Variants in BRINP2 observed in about 807,000 individuals in gnomAD.
The protein encoded by BRINP2 is BMP/retinoic acid-inducible neural-specific protein 2.
Under a neutral mutation model 69.2 loss-of-function variants are expected in BRINP2, and 21 were observed. The observed-to-expected ratio is 0.30, with a 90% CI of 0.22 to 0.44. The LOEUF (loss-of-function observed/expected upper bound fraction) is 0.44, where lower values mean the gene tolerates loss of function less well. BRINP2 is among the 20% of genes least tolerant of loss of function. BRINP2 has a pLI of 1.00. For synonymous variants in BRINP2, 380 were observed against 394.1 expected, an observed-to-expected ratio of 0.96 and a Z score of 0.42; for missense variants, 877 against 986.0, an observed-to-expected ratio of 0.89 and a Z score of 1.48.
intron 4 of BRINP2, among the ~76,000 whole-genome samples, chr1:177,268,700 A>G (rs1028685624): frequency 1.3e-5 from 2 of 151,990 alleles, no homozygotes; most frequent in African/African-American, 4.8e-5. Context: ...TGACACATAC[A>G]CTCACCAAGA....
chr1:177,204,251 G>A (rs142343772), intron 1 of BRINP2, among the ~76,000 whole-genome samples: 29 of 152,264 alleles, frequency 1.9e-4, no homozygotes, highest in African/African-American at 6.5e-4. Flanking sequence ...AGTTGAAGTA[G>A]TCAGTTAGGT....
chr1:177,197,758 G>T (rs930450856), intron 1 of BRINP2, among the ~76,000 whole-genome samples: 3 of 152,032 alleles, frequency 2.0e-5, no homozygotes, highest in Non-Finnish European at 4.4e-5. Context: ...AGAAAGGAGA[G>T]ACCATGGAAT....
chr1:177,224,636 G>A (rs1325403162), intron 1 of BRINP2, among the ~76,000 whole-genome samples: 1 of 151,756 alleles, frequency 6.6e-6, no homozygotes, highest in Non-Finnish European at 1.5e-5. Context: ...ATGCTGTGAG[G>A]TATAAATACT....
intron 4 of BRINP2, among the ~76,000 whole-genome samples, chr1:177,265,906 G>A (rs1275854081): frequency 6.6e-6 from 1 of 151,914 alleles, no homozygotes; most frequent in Non-Finnish European, 1.5e-5. Flanking sequence ...GGATCACAAG[G>A]TCAGGAGATG....
intron 1 of BRINP2, among the ~76,000 whole-genome samples, chr1:177,190,959 A>G (rs946110001): frequency 6.6e-6 from 1 of 152,228 alleles, no homozygotes; most frequent in Non-Finnish European, 1.5e-5. Context: ...TTATTATTAC[A>G]TCATCCTTAA....
At position 177,256,062 on chromosome 1, in the gene BRINP2, T is replaced by C; in HGVS notation, c.413T>C (p.Leu138Pro). ...AATCTGCAACAGGTTACAGAAAATC[T>C]GATTAAAAAGTACGGCACTCATTTC... ...RPNLQQVTEN[L>P]IKKYGTHFLL... The change falls in exon 3 of 8, where the codon CTG becomes CCG. Residue 138 changes from leucine (L) to proline (P), a missense_variant. Leu to Pro is a moderately conservative substitution (Grantham distance 98). Around this residue, in one of 3 missense-constraint regions of BRINP2, gnomAD observed 566 missense variants for 625.2 expected, o/e 0.91. Transcript: ENST00000361539. The C allele has an allele frequency of 6.2e-7, 1 of 1,614,228 alleles. No homozygotes were observed. The highest frequency in any genetic ancestry group is 8.5e-7 in the Non-Finnish European group (1 of 1,180,040).
At chr1:177,197,120 T>TA (rs1235866105) in intron 1 of BRINP2, among the ~76,000 whole-genome samples, 2 of 151,804 alleles carry the variant, frequency 1.3e-5, no homozygotes, top group East Asian at 1.9e-4. Flanking sequence ...AAAAGAAGTT[T>TA]AAAAAAAATT....
chr1:177,276,138 A>T, intron 5 of BRINP2, 60 bp from the exon 6 acceptor site: 2 of 1,490,120 alleles, frequency 1.3e-6, no homozygotes, highest in Middle Eastern at 1.7e-4. Context: ...AGGCTTGGGC[A>T]TGGGAAACTG....
intron 1 of BRINP2, among the ~76,000 whole-genome samples, chr1:177,202,172 T>C (rs952019419): frequency 5.9e-5 from 9 of 152,332 alleles, no homozygotes; most frequent in Admixed American, 5.9e-4. Context: ...TCATTGATTT[T>C]TTGAAGGGTT....
intron 1 of BRINP2, among the ~76,000 whole-genome samples, chr1:177,223,562 G>T (rs955751540): frequency 6.6e-6 from 1 of 152,190 alleles, no homozygotes; most frequent in African/African-American, 2.4e-5. Flanking sequence ...AGGTCTCAGA[G>T]TCAGAATATG....
At chr1:177,187,599 G>A (rs570442777) in intron 1 of BRINP2, among the ~76,000 whole-genome samples, 26 of 152,294 alleles carry the variant, frequency 1.7e-4, no homozygotes, top group African/African-American at 6.3e-4. Context: ...CTTGCAAGGA[G>A]GAAGAGAAGG....
rs144260338 is a variant in BRINP2 at position 177,185,246 on chromosome 1, G to T, written c.-77+13514G>T. ...GGTTCACAATGCACTTATCACATTA[G>T]ACCGGTCTGGAAAGGTCTACAATAA... On this transcript the variant is annotated intron_variant, in intron 1 of 7. Transcript: ENST00000361539. 3.3e-5 allele frequency among the ~76,000 whole-genome samples: 5 copies of T among 152,198 alleles called. 1 individual carries two copies. In the East Asian group the frequency reaches 9.7e-4, roughly 29 times the overall value.
At chr1:177,202,136 T>A (rs1648932539) in intron 1 of BRINP2, among the ~76,000 whole-genome samples, 1 of 152,198 alleles carries the variant, frequency 6.6e-6, no homozygotes, top group African/African-American at 2.4e-5. Context: ...ATTTTGTTGA[T>A]CTTTTCAAAA....
intron 4 of BRINP2, among the ~76,000 whole-genome samples, chr1:177,263,276 T>C (rs1461914473): frequency 2.6e-5 from 4 of 152,234 alleles, no homozygotes; most frequent in South Asian, 2.1e-4. Context: ...TGGAACCTAA[T>C]TTTATTAGTA....
rs1244016975 is a variant in BRINP2 at position 177,280,623 on chromosome 1, G to C, written c.1447G>C (p.Gly483Arg). The C allele has an allele frequency of 3.1e-6, 5 of 1,614,164 alleles. No individual in the cohort carries two copies. Among genetic ancestry groups the C allele is most frequent in the Non-Finnish European group, 4.2e-6 (5 of 1,180,024 alleles). ...CACACGCTGTGGGAGCTGCAACCCG[G>C]GCTATGTGCTGGCCCAGGGGCTGTG... Reference protein sequence around the residue: ...NSTRCGSCNPGYVLAQGLCRP... With the variant: ...NSTRCGSCNPRYVLAQGLCRP... Residue 483 changes from glycine (G) to arginine (R), a missense_variant, in exon 8 of 8, where the codon GGC becomes CGC. Physicochemically the swap from Gly to Arg is moderately radical, Grantham distance 125. This residue lies in a region of BRINP2 where 566 missense variants were observed against 625.2 expected (regional missense o/e 0.91). Coordinates refer to ENST00000361539, the MANE Select transcript of BRINP2 (RefSeq NM_021165.4).
At chr1:177,223,358 T>G (rs1314238213) in intron 1 of BRINP2, among the ~76,000 whole-genome samples, 2 of 152,206 alleles carry the variant, frequency 1.3e-5, no homozygotes, top group Non-Finnish European at 2.9e-5. Context: ...TTTGTGTCTG[T>G]GTACCTTTTA....
chr1:177,192,067 G>A (rs1648611444), intron 1 of BRINP2, among the ~76,000 whole-genome samples: 1 of 152,178 alleles, frequency 6.6e-6, no homozygotes, highest in African/African-American at 2.4e-5. Context: ...TTGGAATAAT[G>A]AAAATAATGG....
rs896085675 is a variant in BRINP2, at chr1:177,275,078, A to G, written c.776-1120A>G. On this transcript the variant is annotated intron_variant, in intron 5 of 7. Transcript: ENST00000361539. ...TTCTCATATTCCTCACTTTCCTGGC[A>G]CAAGGTCTCACAGTGTCGCTACTGG... 1.2e-4 allele frequency: 53 copies of G among 454,888 alleles called. 2 individuals are homozygous for G. 28.2% of individuals were successfully genotyped at this position (454,888 alleles called of 1,614,324 possible). A position where few individuals can be genotyped will look rare whatever the true frequency, so the allele number is the denominator to read the frequency against.
At position 177,281,352 on chromosome 1, in the gene BRINP2, C is replaced by A. The variant is rs756977841; in HGVS notation, c.2176C>A (p.Arg726=). Residue 726 remains arginine (R), a synonymous_variant, in exon 8 of 8, where the codon CGG becomes AGG. Transcript: ENST00000361539. ...CTTGCAGCTCATTGAGCTCAGGGACCGGGTGAACCAGCTTTCTCCACCTGG... is the reference window on the plus strand; with the variant it reads ...CTTGCAGCTCATTGAGCTCAGGGACAGGGTGAACCAGCTTTCTCCACCTGG... The part of the protein sequence containing the change: ...ALLQLIELRD[R]VNQLSPPGKV... The A allele has an allele frequency of 7.4e-6, 12 of 1,614,130 alleles. No individual in the cohort carries two copies. The highest frequency in any genetic ancestry group is 1.7e-5 in the Admixed American group (1 of 60,020).
Sources: allele counts gnomAD v4.1 joint callset (sites outside exome capture counted in the v4.1 genomes callset), GRCh38; gene constraint gnomAD v4.1.1; regional missense constraint gnomAD v4.1.1; transcripts MANE v1.5; gene names NCBI Gene and HGNC (gene_info 2026-07-23, HGNC 2026-07-21).